Variants in FARP1 observed in about 807,000 individuals in gnomAD.
The protein encoded by FARP1 is FERM, ARH/RhoGEF and pleckstrin domain protein 1, also known as FERM, ARHGEF and pleckstrin domain-containing protein 1.
A neutral mutation model predicts 128.8 loss-of-function variants in FARP1; 52 were observed. The observed-to-expected ratio is 0.40, with a 90% CI of 0.32 to 0.51. The LOEUF is 0.51. Among genes scored for constraint, FARP1 ranks in the 20% least tolerant of loss-of-function variants. The pLI is 0.45. For synonymous variants in FARP1, 580 were observed against 551.8 expected (o/e 1.05, Z -0.72); for missense variants, 1,333 against 1,367.9 (o/e 0.97, Z 0.40).
chr13:98,305,719 A>G (rs760525173), intron 2 of FARP1, among the ~76,000 whole-genome samples: 2 of 152,158 alleles, frequency 1.3e-5, no homozygotes, highest in Non-Finnish European at 2.9e-5. Context: ...ATTTCTGTCA[A>G]TAATCCACCT....
intron 1 of FARP1, among the ~76,000 whole-genome samples, chr13:98,180,300 C>T (rs576102559): frequency 2.6e-5 from 4 of 151,984 alleles, no homozygotes; most frequent in Non-Finnish European, 5.9e-5. Context: ...GGGCCACGTA[C>T]TTCTAAACAA....
At chr13:98,379,022 TAA>T (rs1491508979) in intron 6 of FARP1, among the ~76,000 whole-genome samples, 3 of 79,982 alleles carry the variant, frequency 3.8e-5, no homozygotes, top group Admixed American at 1.5e-4. Flanking sequence ...AATCTATATA[TAA>T]TATATATAAT....
chr13:98,171,604 C>A (rs1223348723), intron 1 of FARP1, among the ~76,000 whole-genome samples: 1 of 152,096 alleles, frequency 6.6e-6, no homozygotes, highest in Non-Finnish European at 1.5e-5. Context: ...CTGCCATGTT[C>A]AACTGGAAGT....
chr13:98,395,164 A>G, intron 12 of FARP1, 63 bp from the exon 13 acceptor site: 1 of 1,506,848 alleles, frequency 6.6e-7, no homozygotes, highest in Non-Finnish European at 8.9e-7. Context: ...TTCTGTTTTC[A>G]GCCTTGGAAT....
intron 17 of FARP1, among the ~76,000 whole-genome samples, chr13:98,425,957 C>T (rs1891771067): frequency 6.6e-6 from 1 of 152,114 alleles, no homozygotes; most frequent in African/African-American, 2.4e-5. Context: ...TCTTAACTGC[C>T]CAGAGCCTGT....
At chr13:98,246,941 C>G (rs761217378) in intron 2 of FARP1, among the ~76,000 whole-genome samples, 7 of 152,222 alleles carry the variant, frequency 4.6e-5, no homozygotes, top group African/African-American at 7.2e-5. Context: ...GCAGCTGTTC[C>G]TTGGCGGGGC....
rs553096348 is a variant in FARP1, at chr13:98,454,141, A to G, written c.*5824A>G. 1.3e-5 allele frequency: 2 copies of G among 152,358 alleles called. No individual in the cohort carries two copies. Among genetic ancestry groups the G allele is most frequent in the African/African-American group, 4.8e-5 (2 of 41,586 alleles). The allele number at this position is 152,358 out of a possible 1,614,324, so 9.4% of individuals were successfully genotyped here. A position where few individuals can be genotyped will look rare whatever the true frequency, so the allele number is the denominator to read the frequency against. On this transcript the variant is annotated 3_prime_UTR_variant, in exon 27 of 27. Transcript: ENST00000319562. ...AATTCTAAAAAATCTTCTTTGCACTATAAGGTAGATAAGAGAATTCAGTAA... is the reference window on the plus strand; with the variant it reads ...AATTCTAAAAAATCTTCTTTGCACTGTAAGGTAGATAAGAGAATTCAGTAA...
chr13:98,441,219 C>T (rs771064550), intron 24 of FARP1, among the ~76,000 whole-genome samples: 3 of 152,184 alleles, frequency 2.0e-5, no homozygotes, highest in East Asian at 1.9e-4. Context: ...AACCGCCCCA[C>T]GGGAATCTGG....
At chr13:98,175,837 C>A (rs1410165362) in intron 1 of FARP1, 2 of 298,600 alleles carry the variant, frequency 6.7e-6, no homozygotes, top group African/African-American at 4.3e-5. Context: ...AAGGTTCATT[C>A]TAGTTGTAGC....
At chr13:98,186,520 C>A (rs1878882704) in intron 1 of FARP1, among the ~76,000 whole-genome samples, 1 of 152,220 alleles carries the variant, frequency 6.6e-6, no homozygotes, top group South Asian at 2.1e-4. Context: ...GAGCATCATA[C>A]AGTAGTCATC....
chr13:98,408,604 C>T (rs1043724850), intron 13 of FARP1, among the ~76,000 whole-genome samples: 1 of 152,180 alleles, frequency 6.6e-6, no homozygotes, highest in Non-Finnish European at 1.5e-5. Flanking sequence ...GCTGGGATTA[C>T]AGGCGCGAGC....
chr13:98,365,756 G>A (rs1473896382), intron 4 of FARP1, among the ~76,000 whole-genome samples: 2 of 152,126 alleles, frequency 1.3e-5, no homozygotes, highest in African/African-American at 4.8e-5. Context: ...TGTCACTTTC[G>A]AAGGGAAGAG....
intron 2 of FARP1, among the ~76,000 whole-genome samples, chr13:98,317,760 A>G (rs1179500969): frequency 6.6e-6 from 1 of 152,200 alleles, no homozygotes; most frequent in Non-Finnish European, 1.5e-5. Flanking sequence ...TCCAAGATCA[A>G]GGTGTTGGCC....
chr13:98,410,174 A>C (rs1891136953), intron 14 of FARP1, among the ~76,000 whole-genome samples: 1 of 152,214 alleles, frequency 6.6e-6, no homozygotes, highest in Non-Finnish European at 1.5e-5. Context: ...CCTTGCACTT[A>C]TTGTTTAAAG....
At chr13:98,373,533 GACACAC>G (rs58658962) in intron 5 of FARP1, among the ~76,000 whole-genome samples, 6,205 of 131,026 alleles carry the variant, frequency 0.047, 170 homozygotes, top group Middle Eastern at 0.087. Flanking sequence ...CAGACAGACA[GACACAC>G]ACACACACAC....
chr13:98,166,661 C>G (rs1877283511), intron 1 of FARP1, among the ~76,000 whole-genome samples: 3 of 151,954 alleles, frequency 2.0e-5, no homozygotes, highest in Non-Finnish European at 4.4e-5. Context: ...AACCGGAAAC[C>G]TACAGTGATG....
intron 1 of FARP1, among the ~76,000 whole-genome samples, chr13:98,181,358 A>G (rs1432250265): frequency 1.3e-5 from 2 of 152,190 alleles, no homozygotes; most frequent in Non-Finnish European, 2.9e-5. Flanking sequence ...AAAGTGGGGT[A>G]TAAGAGGAAG....
rs750195885 is a variant in FARP1, at chr13:98,431,091, G to T, written c.1954G>T (p.Glu652Ter). The T allele has an allele frequency of 6.2e-7, 1 of 1,614,174 alleles. No homozygotes were observed. Among genetic ancestry groups the T allele is most frequent in the Non-Finnish European group, 8.5e-7 (1 of 1,180,030 alleles). ...WKHSEALEAL[E>*]NGIKSSRRLE... The stretch of plus-strand genomic sequence containing the variant: ...GCACAGCGAGGCCTTGGAGGCCCTG[G>T]AGAATGGAATCAAGAGCTCCCGGCG... The change falls in exon 18 of 27, where the codon GAG (glutamate) becomes TAG (stop). Residue 652 changes from glutamate (E) to a stop codon, truncating the protein, a stop_gained. Transcript: ENST00000319562. LOFTEE classifies it high-confidence loss of function.
chr13:98,412,124 A>C (rs1891216218), intron 16 of FARP1, 90 bp downstream of exon 16: 1 of 1,315,976 alleles, frequency 7.6e-7, no homozygotes, highest in East Asian at 2.4e-5. Context: ...GCAGGCAGGA[A>C]CAAAGATGAA....
Sources: allele counts gnomAD v4.1 joint callset (sites outside exome capture counted in the v4.1 genomes callset), GRCh38; gene constraint gnomAD v4.1.1; transcripts MANE v1.5; gene names NCBI Gene and HGNC (gene_info 2026-07-23, HGNC 2026-07-21).